DNAJB6: variants seen among roughly 807,000 people sequenced by gnomAD.
DNAJB6 encodes the protein dnaJ homolog subfamily B member 6.
Under a neutral mutation model 42.7 loss-of-function variants are expected in DNAJB6, and 16 were observed. That is an observed-to-expected ratio of 0.37 (90% CI 0.25 to 0.57). DNAJB6 has a LOEUF of 0.57. DNAJB6 is among the 20% of genes least tolerant of loss of function. The probability of loss-of-function intolerance (pLI) is 0.74; values close to 1 mark genes in which losing one functional copy is unlikely to be tolerated. For synonymous variants in DNAJB6, 170 were observed against 163.5 expected, an observed-to-expected ratio of 1.04 and a Z score of -0.30; for missense variants, 347 against 416.8, an observed-to-expected ratio of 0.83 and a Z score of 1.46.
chr7:157,385,148 A>G (rs1256295227), intron 7 of DNAJB6, 140 bp downstream of exon 7: 11 of 865,976 alleles, frequency 1.3e-5, no homozygotes, highest in Admixed American at 3.1e-5. Flanking sequence ...TGCTCTCCAA[A>G]TTCATTAATT....
At chr7:157,352,584 G>C (rs1417977146) in intron 1 of DNAJB6, among the ~76,000 whole-genome samples, 4 of 152,062 alleles carry the variant, frequency 2.6e-5, no homozygotes, top group African/African-American at 9.7e-5. Flanking sequence ...TCTCCTGACT[G>C]TGCTCAGGCG....
At chr7:157,385,719 T>C (rs1438103784) in intron 8 of DNAJB6, 108 bp downstream of exon 8, 2 of 1,559,914 alleles carry the variant, frequency 1.3e-6, no homozygotes, top group African/African-American at 2.8e-5. Context: ...AACATTTTTT[T>C]GAAGATTTCA....
intron 4 of DNAJB6, 45 bp downstream of exon 4, chr7:157,366,606 GTAAGT>G: frequency 1.3e-6 from 2 of 1,558,006 alleles, no homozygotes; most frequent in East Asian, 2.2e-5. Flanking sequence ...GTCTTGGCAA[GTAAGT>G]TGAGTTTGTA....
intron 5 of DNAJB6, chr7:157,378,846 A>T (rs1800607471): frequency 6.6e-6 from 1 of 152,198 alleles, no homozygotes; most frequent in Non-Finnish European, 1.5e-5. Context: ...TGAAATAAGG[A>T]CTTGTCTGAT....
chr7:157,376,812 A>G (rs527328057), intron 5 of DNAJB6, among the ~76,000 whole-genome samples: 64 of 152,292 alleles, frequency 4.2e-4, no homozygotes, highest in African/African-American at 1.5e-3. Context: ...CCTGGGAGGC[A>G]GAGGTTGCAG....
chr7:157,358,989 C>T (rs1361824565), intron 2 of DNAJB6, among the ~76,000 whole-genome samples: 1 of 152,174 alleles, frequency 6.6e-6, no homozygotes, highest in African/African-American at 2.4e-5. Context: ...CTCAAATTTT[C>T]TTGTTGTGAT....
chr7:157,348,388 C>T (rs1798795839), intron 1 of DNAJB6, among the ~76,000 whole-genome samples: 1 of 152,186 alleles, frequency 6.6e-6, no homozygotes, highest in African/African-American at 2.4e-5. Flanking sequence ...GCCACTGCGC[C>T]CAGTCTTATT....
chr7:157,357,074 A>C (rs1038522418), intron 1 of DNAJB6, among the ~76,000 whole-genome samples: 1 of 150,668 alleles, frequency 6.6e-6, no homozygotes, highest in Non-Finnish European at 1.5e-5. Flanking sequence ...TGAGGTGGGA[A>C]GAATCCTTGA....
chr7:157,355,070 T>C (rs1271682819), intron 1 of DNAJB6, among the ~76,000 whole-genome samples: 1 of 152,210 alleles, frequency 6.6e-6, no homozygotes, highest in Non-Finnish European at 1.5e-5. Context: ...AAGTAAATTA[T>C]ATTTATGTAA....
chr7:157,385,180 T>G (rs1800992227), intron 7 of DNAJB6, among the ~76,000 whole-genome samples, 172 bp downstream of exon 7: 1 of 152,260 alleles, frequency 6.6e-6, no homozygotes, highest in African/African-American at 2.4e-5. Flanking sequence ...TCTTAAATTT[T>G]ACTTAACTGT....
chr7:157,381,031 T>C (rs1340652642), intron 5 of DNAJB6: 1 of 152,012 alleles, frequency 6.6e-6, no homozygotes, highest in Non-Finnish European at 1.5e-5. Context: ...AAAGTCTTGC[T>C]GTGTTGTCCA....
At chr7:157,345,887 A>G (rs1422473330) in intron 1 of DNAJB6, among the ~76,000 whole-genome samples, 1 of 151,992 alleles carries the variant, frequency 6.6e-6, no homozygotes, top group East Asian at 1.9e-4. Context: ...GATTTAGTAT[A>G]TTATTTTAAA....
intron 2 of DNAJB6, 51 bp from the exon 3 acceptor site, chr7:157,363,110 T>C: frequency 2.3e-6 from 3 of 1,296,458 alleles, no homozygotes; most frequent in South Asian, 2.6e-5. Context: ...TTCAAAAGCA[T>C]AGTTGATTTC....
intron 9 of DNAJB6, 83 bp downstream of exon 9, chr7:157,410,084 C>T: frequency 6.8e-7 from 1 of 1,460,506 alleles, no homozygotes; most frequent in East Asian, 2.5e-5. Flanking sequence ...ACAAACCGCG[C>T]CTGGGCTGCT....
chr7:157,402,335 C>G (rs150081497), intron 8 of DNAJB6, among the ~76,000 whole-genome samples: 1 of 152,382 alleles, frequency 6.6e-6, no homozygotes, highest in East Asian at 1.9e-4. Flanking sequence ...ACCCCTTCCA[C>G]AGGCACCCAT....
At chr7:157,386,746 TGGTGGCAG>T (rs1228281827) in intron 8 of DNAJB6, among the ~76,000 whole-genome samples, 3 of 152,040 alleles carry the variant, frequency 2.0e-5, no homozygotes, top group Non-Finnish European at 4.4e-5. Context: ...TAGCTGGGTG[TGGTGGCAG>T]GCGCCTGTAA....
At chr7:157,369,962 G>GGGCCCTTTCTTAACATTATTATTAAAGA (rs1800086208) in intron 5 of DNAJB6, among the ~76,000 whole-genome samples, 2 of 121,506 alleles carry the variant, frequency 1.6e-5, no homozygotes, top group East Asian at 2.5e-4. Flanking sequence ...ATTATTAAAC[G>GGGCCCTTTCTTAACATTATTATTAAAGA]GGCCCTTTCT....
At chr7:157,405,804 G>A (rs1233836868) in intron 8 of DNAJB6, among the ~76,000 whole-genome samples, 2 of 152,218 alleles carry the variant, frequency 1.3e-5, no homozygotes, top group Non-Finnish European at 2.9e-5. Flanking sequence ...CCATGGGGTG[G>A]TGCTTGTTCC....
chr7:157,358,149 C>T (rs1386230855), intron 1 of DNAJB6, among the ~76,000 whole-genome samples: 1 of 152,094 alleles, frequency 6.6e-6, no homozygotes. Context: ...GTGGTCTTGC[C>T]CGATGCCTGG....
Sources: allele counts gnomAD v4.1 joint callset (sites outside exome capture counted in the v4.1 genomes callset), GRCh38; gene constraint gnomAD v4.1.1; transcripts MANE v1.5; gene names NCBI Gene and HGNC (gene_info 2026-07-23, HGNC 2026-07-21).